ZNF277: variants seen among roughly 807,000 people sequenced by gnomAD.
ZNF277 encodes nuclear receptor-interacting factor 4.
A neutral mutation model predicts 60.7 loss-of-function variants in ZNF277; 55 were observed. The ratio of observed to expected loss-of-function variants is 0.91; its 90% CI spans 0.73 to 1.13. The LOEUF (loss-of-function observed/expected upper bound fraction) is 1.13, where lower values mean the gene tolerates loss of function less well. Ranked by LOEUF, ZNF277 falls within the 50% of genes most tolerant of loss-of-function variation. The probability of loss-of-function intolerance (pLI) is 0.00; values close to 1 mark genes in which losing one functional copy is unlikely to be tolerated. For missense variants in ZNF277, 510 were observed against 523.0 expected, an observed-to-expected ratio of 0.98 and a Z score of 0.24; for synonymous variants, 178 against 179.3, an observed-to-expected ratio of 0.99 and a Z score of 0.06.
At chr7:112,266,235 C>G (rs752251625) in intron 1 of ZNF277, among the ~76,000 whole-genome samples, 3 of 152,000 alleles carry the variant, frequency 2.0e-5, no homozygotes, top group Non-Finnish European at 4.4e-5. Flanking sequence ...AACCTCCCAT[C>G]TCCTGGGTTC....
At chr7:112,341,924 T>A (rs1793452938) in intron 11 of ZNF277, among the ~76,000 whole-genome samples, 1 of 152,208 alleles carries the variant, frequency 6.6e-6, no homozygotes. Flanking sequence ...TTAAAATTTG[T>A]AATATTCCAA....
At chr7:112,286,560 CG>C (rs1563215975) in intron 1 of ZNF277, among the ~76,000 whole-genome samples, 2 of 152,138 alleles carry the variant, frequency 1.3e-5, no homozygotes, top group Non-Finnish European at 2.9e-5. Context: ...GCAAGTACCC[CG>C]GGAATTGCTG....
intron 1 of ZNF277, among the ~76,000 whole-genome samples, chr7:112,210,396 C>G (rs1821706171): frequency 6.6e-6 from 1 of 152,004 alleles, no homozygotes. Context: ...TTCTGTGGCT[C>G]CATCCTTCTC....
chr7:112,314,680 C>T (rs748231484), intron 4 of ZNF277, among the ~76,000 whole-genome samples: 6 of 152,036 alleles, frequency 3.9e-5, no homozygotes, highest in Non-Finnish European at 8.8e-5. Context: ...CCTGTAGTCC[C>T]AGCTACTTGG....
chr7:112,285,178 C>T (rs917385991), intron 1 of ZNF277, among the ~76,000 whole-genome samples: 2 of 151,844 alleles, frequency 1.3e-5, no homozygotes, highest in East Asian at 1.9e-4. Flanking sequence ...TACAGGTGTG[C>T]ACCACCACGC....
chr7:112,213,219 G>A (rs759008628), intron 1 of ZNF277, among the ~76,000 whole-genome samples: 43 of 152,174 alleles, frequency 2.8e-4, no homozygotes, highest in Non-Finnish European at 5.7e-4. Flanking sequence ...CATGTGAGAC[G>A]TGACTTGCTC....
chr7:112,215,472 C>CCCTA (rs1403101461), intron 1 of ZNF277, among the ~76,000 whole-genome samples: 2 of 152,172 alleles, frequency 1.3e-5, no homozygotes, highest in Admixed American at 1.3e-4. Flanking sequence ...AATGAAGAAC[C>CCCTA]CCTAGCCTTA....
intron 4 of ZNF277, among the ~76,000 whole-genome samples, chr7:112,307,149 A>G (rs1792614900): frequency 6.6e-6 from 1 of 152,042 alleles, no homozygotes; most frequent in Admixed American, 6.6e-5. Context: ...GCTTTTGTTC[A>G]TGTCTCTTTG....
chr7:112,296,857 AT>A (rs1230119218), intron 4 of ZNF277, among the ~76,000 whole-genome samples: 1 of 147,252 alleles, frequency 6.8e-6, no homozygotes, highest in African/African-American at 2.5e-5. Flanking sequence ...AAGCATGAAA[AT>A]TTTTATTTTA....
chr7:112,298,667 T>G (rs543751627), intron 4 of ZNF277, among the ~76,000 whole-genome samples: 1 of 152,124 alleles, frequency 6.6e-6, no homozygotes. Flanking sequence ...CTAGACCAAC[T>G]TGGGGATTGG....
intron 4 of ZNF277, among the ~76,000 whole-genome samples, chr7:112,297,375 C>G (rs1202348539): frequency 6.6e-6 from 1 of 151,998 alleles, no homozygotes; most frequent in Non-Finnish European, 1.5e-5. Context: ...TCTTGTAAGT[C>G]TTTCTTTTAT....
At chr7:112,214,217 G>A (rs1821825552) in intron 1 of ZNF277, among the ~76,000 whole-genome samples, 1 of 152,170 alleles carries the variant, frequency 6.6e-6, no homozygotes, top group Non-Finnish European at 1.5e-5. Flanking sequence ...ATGTCGATCA[G>A]ATTCATATAA....
chr7:112,221,189 G>A (rs1822020814), intron 1 of ZNF277, among the ~76,000 whole-genome samples: 1 of 152,128 alleles, frequency 6.6e-6, no homozygotes, highest in Non-Finnish European at 1.5e-5. Context: ...ATGGCTAAGT[G>A]CCTGGGTTCA....
intron 1 of ZNF277, among the ~76,000 whole-genome samples, chr7:112,260,574 C>T (rs1233109514): frequency 6.6e-6 from 1 of 152,058 alleles, no homozygotes; most frequent in African/African-American, 2.4e-5. Context: ...TTTTTCCTAG[C>T]GTTATGTAAC....
At chr7:112,334,596 C>T (rs923468226) in intron 7 of ZNF277, among the ~76,000 whole-genome samples, 32 of 152,084 alleles carry the variant, frequency 2.1e-4, no homozygotes, top group African/African-American at 7.5e-4. Flanking sequence ...CTAGATAACT[C>T]TCTACATATT....
intron 1 of ZNF277, among the ~76,000 whole-genome samples, chr7:112,256,421 GTT>G (rs779126085): frequency 0.04 from 3,801 of 95,086 alleles, 69 homozygotes; most frequent in African/African-American, 0.15. Flanking sequence ...CTTCTTTGGA[GTT>G]TTTTTTTTTT....
At chr7:112,324,809 A>C (rs1035986292) in intron 5 of ZNF277, among the ~76,000 whole-genome samples, 27 of 152,202 alleles carry the variant, frequency 1.8e-4, no homozygotes, top group Non-Finnish European at 5.9e-5. Flanking sequence ...GAGGCCGAGA[A>C]GTGCCACAGT....
At chr7:112,270,945 C>T (rs1791655687) in intron 1 of ZNF277, among the ~76,000 whole-genome samples, 1 of 113,260 alleles carries the variant, frequency 8.8e-6, no homozygotes, top group South Asian at 3.1e-4. Flanking sequence ...ATATCCCAGC[C>T]ATACATTAGA....
At chr7:112,275,433 A>T (rs920642022) in intron 1 of ZNF277, among the ~76,000 whole-genome samples, 1 of 152,204 alleles carries the variant, frequency 6.6e-6, no homozygotes, top group Non-Finnish European at 1.5e-5. Flanking sequence ...AACATATAGT[A>T]TGGTCCTTCA....
Sources: allele counts gnomAD v4.1 joint callset (sites outside exome capture counted in the v4.1 genomes callset), GRCh38; gene constraint gnomAD v4.1.1; transcripts MANE v1.5; gene names NCBI Gene and HGNC (gene_info 2026-07-23, HGNC 2026-07-21).